The following XXYLT1 variants were observed in gnomAD, a reference collection of about 807,000 sequenced individuals.
XXYLT1 encodes the protein UDP-xylose:alpha-xyloside alpha-1,3-xylosyltransferase.
In XXYLT1, 20 loss-of-function variants were observed where a neutral mutation model predicts 28.9. The ratio of observed to expected loss-of-function variants is 0.69; its 90% CI spans 0.49 to 1.00. The LOEUF is 1.00. XXYLT1 is among the 50% of genes least tolerant of loss of function. The pLI is 0.00. For missense variants in XXYLT1, 542 were observed against 560.1 expected (o/e 0.97, Z 0.33); for synonymous variants, 257 against 253.8 (o/e 1.01, Z -0.12).
intron 2 of XXYLT1, among the ~76,000 whole-genome samples, chr3:195,188,822 T>C (rs1722307200): frequency 6.6e-6 from 1 of 152,226 alleles, no homozygotes. Context: ...CAACTTTGTG[T>C]AAACATTAAG....
intron 2 of XXYLT1, among the ~76,000 whole-genome samples, chr3:195,221,441 C>G (rs149309372): frequency 2.8e-4 from 43 of 152,362 alleles, no homozygotes; most frequent in African/African-American, 1.0e-3. Flanking sequence ...AACAGTAGCG[C>G]TTAGCATAGG....
At chr3:195,086,950 C>A in intron 3 of XXYLT1, among the ~76,000 whole-genome samples, 1 of 152,152 alleles carries the variant, frequency 6.6e-6, no homozygotes, top group East Asian at 1.9e-4. Flanking sequence ...CCAGGCCCCT[C>A]CCCGATACCT....
chr3:195,166,453 C>G (rs1216488223), intron 2 of XXYLT1, among the ~76,000 whole-genome samples: 1 of 151,774 alleles, frequency 6.6e-6, no homozygotes, highest in East Asian at 1.9e-4. Flanking sequence ...AGGACACTCT[C>G]TTTCAGAACA....
rs914344287 is a variant in XXYLT1 at position 195,129,317 on chromosome 3, C to T, written c.785+27132G>A. Among the ~76,000 whole-genome samples the T allele has an allele frequency of 2.0e-5, 3 of 152,218 alleles. No individual in the cohort carries two copies. The highest frequency in any genetic ancestry group is 7.2e-5 in the African/African-American group (3 of 41,460). ...GTACAATTCAGTGGATTTTAGTATG[C>T]TCACAGAGTTGTGTAACTATGACAC... On this transcript the variant is annotated intron_variant, in intron 3 of 3. Coordinates refer to ENST00000310380, the MANE Select transcript of XXYLT1 (RefSeq NM_152531.5). This position sits in a 1 kb window ranked among gnomAD's most constrained non-coding sequence, Gnocchi z 4.4.
intron 3 of XXYLT1, among the ~76,000 whole-genome samples, chr3:195,138,343 A>C (rs1577067909): frequency 6.6e-6 from 1 of 152,096 alleles, no homozygotes; most frequent in East Asian, 1.9e-4. Flanking sequence ...GATTTGTGAG[A>C]CTAGGAGGGG....
At chr3:195,104,025 T>C (rs986081715) in intron 3 of XXYLT1, among the ~76,000 whole-genome samples, 1 of 152,212 alleles carries the variant, frequency 6.6e-6, no homozygotes, top group African/African-American at 2.4e-5. Flanking sequence ...AACAACTATT[T>C]CCAACTGGTG....
chr3:195,241,630 G>C (rs534192034), intron 1 of XXYLT1, among the ~76,000 whole-genome samples: 2 of 152,184 alleles, frequency 1.3e-5, no homozygotes, highest in South Asian at 2.1e-4. Context: ...ACCCATGCCA[G>C]ACACCTGAAC....
At chr3:195,075,865 G>A (rs781520836) in intron 3 of XXYLT1, among the ~76,000 whole-genome samples, 2 of 152,178 alleles carry the variant, frequency 1.3e-5, no homozygotes, top group African/African-American at 4.8e-5. Flanking sequence ...GTCGAGGCGC[G>A]GCTGTTGCTT....
intron 2 of XXYLT1, among the ~76,000 whole-genome samples, chr3:195,192,803 T>A (rs1722479444): frequency 6.6e-6 from 1 of 152,146 alleles, no homozygotes; most frequent in Non-Finnish European, 1.5e-5. Flanking sequence ...AACTAAGCAA[T>A]TGATTAATTA....
chr3:195,110,295 G>C (rs1233695707), intron 3 of XXYLT1, among the ~76,000 whole-genome samples: 11 of 364 alleles, frequency 0.03, no homozygotes, highest in South Asian at 0.25. Context: ...GTATGTGTGC[G>C]TGTGTGGTAT....
chr3:195,088,704 G>C (rs1715957726), intron 3 of XXYLT1, among the ~76,000 whole-genome samples: 1 of 141,052 alleles, frequency 7.1e-6, no homozygotes, highest in African/African-American at 2.6e-5. Flanking sequence ...GAGAGAAGAA[G>C]GCTTCAGACG....
intron 3 of XXYLT1, among the ~76,000 whole-genome samples, chr3:195,128,619 G>T (rs1188960337): frequency 6.6e-6 from 1 of 152,132 alleles, no homozygotes; most frequent in Non-Finnish European, 1.5e-5. Context: ...CACTGCTCCT[G>T]TAGCTCCCTG....
At chr3:195,081,878 A>G (rs1715453206) in intron 3 of XXYLT1, among the ~76,000 whole-genome samples, 1 of 152,114 alleles carries the variant, frequency 6.6e-6, no homozygotes, top group African/African-American at 2.4e-5. Flanking sequence ...GGCCTGGGCA[A>G]ATCACTTCCC....
At position 195,249,959 on chromosome 3, in the gene XXYLT1, G is replaced by T. The variant is rs757329419; in HGVS notation, c.504+20596C>A. Among the ~76,000 whole-genome samples the T allele has an allele frequency of 1.6e-4, 25 of 152,236 alleles. No individual in the cohort carries two copies. In the South Asian group the frequency reaches 1.7e-3, roughly 10 times the overall value. Reference sequence around the variant, plus strand: ...CACCATCCTCTCTCCCCAGAGCCAGGGTGATGGCCTCCTAAGGGTCTCCCC... The same window carrying T: ...CACCATCCTCTCTCCCCAGAGCCAGTGTGATGGCCTCCTAAGGGTCTCCCC... On this transcript the variant is annotated intron_variant, in intron 1 of 3. Transcript: ENST00000310380.
At chr3:195,090,114 T>G (rs968658988) in intron 3 of XXYLT1, among the ~76,000 whole-genome samples, 4 of 151,554 alleles carry the variant, frequency 2.6e-5, no homozygotes, top group Non-Finnish European at 5.9e-5. Flanking sequence ...ATTAGACAGA[T>G]CAAGGAGACA....
intron 3 of XXYLT1, among the ~76,000 whole-genome samples, chr3:195,143,809 T>TATAG (rs1553809452): frequency 3.0e-5 from 3 of 101,118 alleles, no homozygotes; most frequent in Non-Finnish European, 6.1e-5. Context: ...TAGATAGATA[T>TATAG]ATATAGATAT....
intron 2 of XXYLT1, among the ~76,000 whole-genome samples, chr3:195,175,013 A>G (rs1721592703): frequency 6.6e-6 from 1 of 152,142 alleles, no homozygotes; most frequent in African/African-American, 2.4e-5. Context: ...CACATTCAAC[A>G]ACAACTATTA....
rs1004283388 is a variant in XXYLT1 at position 195,112,409 on chromosome 3, T to TGC, written c.786-42300_786-42299dup. ...CCAGCAAGGACTGCACGTGCGCACG[T>TGC]GCGCGCACACACACACATGCACACA... On this transcript the variant is annotated intron_variant, in intron 3 of 3. Coordinates refer to ENST00000310380, the MANE Select transcript of XXYLT1 (RefSeq NM_152531.5). 4.7e-5 allele frequency among the ~76,000 whole-genome samples: 7 copies of TGC among 148,268 alleles called. No individual in the cohort carries two copies. In the East Asian group the frequency reaches 5.8e-4, roughly 12 times the overall value.
intron 3 of XXYLT1, among the ~76,000 whole-genome samples, chr3:195,125,089 A>C (rs1257926554): frequency 6.6e-6 from 1 of 152,244 alleles, no homozygotes; most frequent in African/African-American, 2.4e-5. Context: ...AAGCTGATAG[A>C]AAAAAGAGAA....
Sources: gnomAD v4.1 joint callset for allele counts (sites outside exome capture counted in the v4.1 genomes callset) on GRCh38, gnomAD v4.1.1 for gene constraint, Gnocchi (gnomAD v3.1) non-coding constraint, MANE v1.5 for transcripts, NCBI Gene and HGNC (gene_info 2026-07-23, HGNC 2026-07-21) for gene names.